PARN: variants seen among roughly 807,000 people sequenced by gnomAD.
PARN encodes poly(A)-specific ribonuclease PARN.
A neutral mutation model predicts 102.8 loss-of-function variants in PARN; 71 were observed. That is an observed-to-expected ratio of 0.69 (90% CI 0.57 to 0.84). The LOEUF is 0.84. Ranked by LOEUF, PARN falls within the 40% of genes least tolerant of loss-of-function variation. The probability of loss-of-function intolerance (pLI) is 0.00; values close to 1 mark genes in which losing one functional copy is unlikely to be tolerated. For missense variants in PARN, 782 were observed against 760.9 expected, an observed-to-expected ratio of 1.03 and a Z score of -0.33; for synonymous variants, 261 against 252.9, an observed-to-expected ratio of 1.03 and a Z score of -0.30.
intron 11 of PARN, among the ~76,000 whole-genome samples, chr16:14,603,541 C>T (rs1175384411): frequency 6.6e-6 from 1 of 152,166 alleles, no homozygotes; most frequent in Non-Finnish European, 1.5e-5. Flanking sequence ...CTCCTTCCCC[C>T]TTCCTCCTCC....
intron 21 of PARN, among the ~76,000 whole-genome samples, chr16:14,536,061 G>GA (rs1192291903): frequency 6.6e-6 from 1 of 151,844 alleles, no homozygotes; most frequent in East Asian, 1.9e-4. Flanking sequence ...ATTCACTATG[G>GA]AAAAATCAGA....
At chr16:14,616,125 G>C (rs1971887134) in intron 6 of PARN, among the ~76,000 whole-genome samples, 1 of 151,970 alleles carries the variant, frequency 6.6e-6, no homozygotes, top group Non-Finnish European at 1.5e-5. Context: ...TTAAAATATT[G>C]ACCTTGTACA....
intron 21 of PARN, among the ~76,000 whole-genome samples, chr16:14,540,781 A>T (rs1485030044): frequency 6.6e-6 from 1 of 151,436 alleles, no homozygotes; most frequent in Non-Finnish European, 1.5e-5. Flanking sequence ...GCAAATCCTT[A>T]TCTCTAAATG....
At chr16:14,488,332 A>G (rs1335630062) in intron 21 of PARN, among the ~76,000 whole-genome samples, 1 of 152,258 alleles carries the variant, frequency 6.6e-6, no homozygotes, top group Non-Finnish European at 1.5e-5. Flanking sequence ...TGAAGTAGGG[A>G]AGAATTTACA....
chr16:14,611,980 G>C (rs1971544080), intron 6 of PARN, among the ~76,000 whole-genome samples: 5 of 152,200 alleles, frequency 3.3e-5, no homozygotes. Flanking sequence ...CATAGCTGTA[G>C]TCCAACAAAT....
chr16:14,565,690 A>G (rs1268373705), intron 18 of PARN, among the ~76,000 whole-genome samples: 1 of 152,238 alleles, frequency 6.6e-6, no homozygotes, highest in Non-Finnish European at 1.5e-5. Flanking sequence ...TGTCTCTTAA[A>G]AAGATATGCC....
chr16:14,611,218 G>C (rs1971501722), intron 6 of PARN, among the ~76,000 whole-genome samples: 2 of 152,198 alleles, frequency 1.3e-5, no homozygotes. Context: ...TTAATACCCA[G>C]AACATGGAAA....
chr16:14,610,722 A>C lies in PARN; in HGVS notation c.476T>G (p.Leu159Arg). ...TGAAGTGTTAGGAGATACATAGGAC[A>C]GAGCTCCTGCACCATTCGCCTGTGA... ...KRSQANGAGA[L>R]SYVSPNTSKC... The change falls in exon 7 of 24, where the codon CTG (leucine) becomes CGG (arginine). Residue 159 changes from leucine to arginine, a missense_variant. By Grantham distance (102) the Leu-to-Arg change is moderately radical. Coordinates refer to ENST00000437198, the MANE Select transcript of PARN (RefSeq NM_002582.4). The C allele has an allele frequency of 1.2e-6, 2 of 1,603,678 alleles. No individual in the cohort carries two copies. The highest frequency in any genetic ancestry group is 2.2e-5 in the South Asian group (2 of 90,916).
At position 14,629,623 on chromosome 16, in the gene PARN, A is replaced by T; in HGVS notation, c.71T>A (p.Phe24Tyr). The change falls in exon 2 of 24, where the codon TTC becomes TAC. Residue 24 changes from phenylalanine (F) to tyrosine (Y), a missense_variant. Phe to Tyr is a conservative substitution (Grantham distance 22). Coordinates refer to ENST00000437198, the MANE Select transcript of PARN (RefSeq NM_002582.4). ...TGAAAACTCCCCATCGATGGCGAAG[A>T]AGTCGGCCTCCTCTATGGCCTGGTA... ...KVYQAIEEAD[F>Y]FAIDGEFSGI... is the part of the protein sequence containing the mutation. The T allele has an allele frequency of 6.2e-7, 1 of 1,613,648 alleles. No homozygotes were observed.
chr16:14,629,668 TTAA>T lies in PARN; in HGVS notation c.23_25del (p.Phe8_Lys9delinsTer). On this transcript the variant is annotated stop_gained and inframe_deletion, in exon 2 of 24. Transcript: ENST00000437198. LOFTEE classifies it high-confidence loss of function. ...CTGGTACACTTTGTGAAGATTACTCTTAAAATCTGCGGAGAAACCGAAAAGAGG... is the reference window on the plus strand; with the variant it reads ...CTGGTACACTTTGTGAAGATTACTCTAATCTGCGGAGAAACCGAAAAGAGG... The T allele has an allele frequency of 6.2e-7, 1 of 1,612,120 alleles. No individual in the cohort carries two copies. Among genetic ancestry groups the T allele is most frequent in the Non-Finnish European group, 8.5e-7 (1 of 1,178,146 alleles).
intron 3 of PARN, among the ~76,000 whole-genome samples, chr16:14,627,957 G>A (rs1024849071): frequency 6.6e-6 from 1 of 152,162 alleles, no homozygotes; most frequent in Non-Finnish European, 1.5e-5. Flanking sequence ...CCACAGAGCA[G>A]TGATCACGCC....
chr16:14,486,152 C>A (rs1013805024), intron 21 of PARN, among the ~76,000 whole-genome samples: 1 of 152,020 alleles, frequency 6.6e-6, no homozygotes, highest in Non-Finnish European at 1.5e-5. Context: ...CCCAGGGGTT[C>A]GAGACCAGCC....
chr16:14,524,330 C>A (rs567851010), intron 21 of PARN, among the ~76,000 whole-genome samples: 1 of 152,282 alleles, frequency 6.6e-6, no homozygotes, highest in East Asian at 1.9e-4. Context: ...TGGTCCATCA[C>A]GGCGGTTTAG....
At position 14,482,605 on chromosome 16, in the gene PARN, T is replaced by C. The variant is rs375710263; in HGVS notation, c.1670+33A>G. 8 of 1,512,350 alleles carry C rather than the reference T, an allele frequency of 5.3e-6. No homozygotes were observed. The African/African-American group carries it at 8.4e-5, about 16-fold the overall frequency. 93.7% of individuals were successfully genotyped at this position (1,512,350 alleles called of 1,614,324 possible). On this transcript the variant is annotated intron_variant, in intron 22 of 23. Transcript: ENST00000437198. ...ACAAGAAAAGCCATTGCTAGAACTC[T>C]GGCCTTTTAAATTAACAGCTGAGAG...
chr16:14,495,342 G>A (rs1022743432), intron 21 of PARN, among the ~76,000 whole-genome samples: 1 of 152,146 alleles, frequency 6.6e-6, no homozygotes, highest in African/African-American at 2.4e-5. Context: ...AAATTAGCTA[G>A]GCATGGTGGT....
chr16:14,556,507 C>T (rs78681762), intron 18 of PARN, among the ~76,000 whole-genome samples: 6,478 of 152,216 alleles, frequency 0.043, 149 homozygotes, highest in African/African-American at 0.052. Context: ...AGATTTTTCT[C>T]CTGGGCCAAA....
chr16:14,439,420 C>A (rs1596417702), intron 23 of PARN, among the ~76,000 whole-genome samples: 13 of 71,602 alleles, frequency 1.8e-4, no homozygotes, highest in Admixed American at 5.8e-4. Context: ...GGAAAGAAGA[C>A]AGGGAGGGAG....
intron 2 of PARN, 145 bp downstream of exon 2, chr16:14,629,452 G>A (rs1363913644): frequency 4.7e-6 from 3 of 644,142 alleles, no homozygotes; most frequent in Non-Finnish European, 8.3e-6. Context: ...ACGTTTAAAG[G>A]GTAACACTGA....
At chr16:14,601,884 CTG>C (rs1048847580) in intron 11 of PARN, 2 of 150,360 alleles carry the variant, frequency 1.3e-5, no homozygotes, top group Non-Finnish European at 3.0e-5. Context: ...GATCATGTCA[CTG>C]CAAGCAAGGC....
Sources: gnomAD v4.1 joint callset for allele counts (sites outside exome capture counted in the v4.1 genomes callset) on GRCh38, gnomAD v4.1.1 for gene constraint, MANE v1.5 for transcripts, NCBI Gene and HGNC (gene_info 2026-07-23, HGNC 2026-07-21) for gene names.